The following FRAS1 variants were observed in gnomAD, a reference collection of about 807,000 sequenced individuals.
FRAS1 encodes Fraser extracellular matrix complex subunit 1, also known as extracellular matrix organizing protein FRAS1.
In FRAS1, 290 loss-of-function variants were observed where a neutral mutation model predicts 435.2. The ratio of observed to expected loss-of-function variants is 0.67; its 90% CI spans 0.61 to 0.73. The LOEUF is 0.73. Among genes scored for constraint, FRAS1 ranks in the 30% least tolerant of loss-of-function variants. The pLI, the probability that FRAS1 is intolerant of heterozygous loss-of-function variation, is 0.00. For synonymous variants in FRAS1, 1,800 were observed against 1,851.0 expected, an observed-to-expected ratio of 0.97 and a Z score of 0.71; for missense variants, 4,860 against 5,001.5, an observed-to-expected ratio of 0.97 and a Z score of 0.85.
Position 78,421,965 on chromosome 4 carries a change from C to T in FRAS1, c.4643C>T (p.Pro1548Leu), listed in dbSNP as rs766866898. 2.3e-5 allele frequency: 37 copies of T among 1,613,334 alleles called. No homozygotes were observed. The South Asian group carries it at 4.0e-4, about 17-fold the overall frequency. ...ATGTACCGCCCTCCCCCGGCAGCAC[C>T]CCACCTCCAGGAGCTCATGGCCTTC... Reference protein sequence around the residue: ...KVMYRPPPAAPHLQELMAFSF... With the variant: ...KVMYRPPPAALHLQELMAFSF... The change falls in exon 34 of 74, where the codon CCC becomes CTC. Residue 1548 changes from proline to leucine, a missense_variant. Pro to Leu is a moderately conservative substitution (Grantham distance 98). Transcript: ENST00000512123.
intron 2 of FRAS1, among the ~76,000 whole-genome samples, chr4:78,083,400 T>G (rs1301623243): frequency 6.6e-6 from 1 of 152,110 alleles, no homozygotes; most frequent in Non-Finnish European, 1.5e-5. Context: ...TTATCTGGTG[T>G]TGTGGAATTG....
chr4:78,274,228 T>G (rs4859522), intron 9 of FRAS1, among the ~76,000 whole-genome samples: 146,307 of 152,178 alleles, frequency 0.96, 70,575 homozygotes, highest in East Asian at 1. Flanking sequence ...AGTCTTGCTA[T>G]CAGTCTATCA....
chr4:78,067,629 A>T (rs1345332229), intron 2 of FRAS1, among the ~76,000 whole-genome samples: 2 of 149,930 alleles, frequency 1.3e-5, no homozygotes, highest in African/African-American at 4.9e-5. Context: ...TTTGCTTACC[A>T]AGGCTCTGCT....
At chr4:78,477,383 T>C (rs1042145771) in intron 54 of FRAS1, among the ~76,000 whole-genome samples, 11 of 152,326 alleles carry the variant, frequency 7.2e-5, no homozygotes, top group Non-Finnish European at 1.5e-4. Flanking sequence ...CTGATGTTTG[T>C]AAAGCTTCAT....
At chr4:78,240,449 G>A (rs1235963798) in intron 3 of FRAS1, among the ~76,000 whole-genome samples, 1 of 152,088 alleles carries the variant, frequency 6.6e-6, no homozygotes, top group East Asian at 1.9e-4. Flanking sequence ...AAGGAGAAAC[G>A]ACTGCCATAT....
chr4:78,448,375 C>T (rs1023918063), intron 44 of FRAS1, 59 bp downstream of exon 44: 6 of 1,450,732 alleles, frequency 4.1e-6, no homozygotes, highest in South Asian at 1.4e-5. Context: ...CTTCTTTGTC[C>T]AGTATGCAGT....
At chr4:78,171,377 C>T (rs1181166679) in intron 2 of FRAS1, among the ~76,000 whole-genome samples, 1 of 152,140 alleles carries the variant, frequency 6.6e-6, no homozygotes, top group Non-Finnish European at 1.5e-5. Context: ...TCTCTACTGC[C>T]TCTTTATGTG....
At chr4:78,363,807 C>A in intron 21 of FRAS1, 101 bp from the exon 22 acceptor site, 1 of 1,450,504 alleles carries the variant, frequency 6.9e-7, no homozygotes, top group South Asian at 1.4e-5. Flanking sequence ...CCAGACTTGC[C>A]AATGTTCTCA....
intron 2 of FRAS1, among the ~76,000 whole-genome samples, chr4:78,116,878 G>A (rs1743226761): frequency 6.6e-6 from 1 of 152,188 alleles, no homozygotes; most frequent in Admixed American, 6.5e-5. Flanking sequence ...TCATTATGAT[G>A]TTAGCTGGTT....
At chr4:78,360,924 T>C (rs145434462) in intron 20 of FRAS1, among the ~76,000 whole-genome samples, 1 of 152,348 alleles carries the variant, frequency 6.6e-6, no homozygotes, top group African/African-American at 2.4e-5. Context: ...GTTTCTCTAA[T>C]TGCATGCTAG....
At position 78,541,125 on chromosome 4, in the gene FRAS1, T is replaced by C; in HGVS notation, c.*1T>C. On this transcript the variant is annotated 3_prime_UTR_variant, in exon 74 of 74. Coordinates refer to ENST00000512123, the MANE Select transcript of FRAS1 (RefSeq NM_025074.7). ...TTTACAAGATGGAACAGAAGTTTAATGGAGGAGACCTATGTGTATTTTTTT... is the reference window on the plus strand; with the variant it reads ...TTTACAAGATGGAACAGAAGTTTAACGGAGGAGACCTATGTGTATTTTTTT... 1 of 1,365,010 alleles carries C rather than the reference T, an allele frequency of 7.3e-7. No individual in the cohort carries two copies. Among genetic ancestry groups the C allele is most frequent in the Non-Finnish European group, 9.6e-7 (1 of 1,045,910 alleles). 84.6% of individuals were successfully genotyped at this position (1,365,010 alleles called of 1,614,324 possible).
chr4:78,190,383 C>G (rs1268343335), intron 2 of FRAS1, among the ~76,000 whole-genome samples: 1 of 152,134 alleles, frequency 6.6e-6, no homozygotes, highest in African/African-American at 2.4e-5. Context: ...GAGAGGCCTT[C>G]CCTGTCTATG....
In FRAS1 at chr4:78,515,834, A is replaced by G; in HGVS notation, c.10210A>G (p.Thr3404Ala). The change falls in exon 66 of 74, where the codon ACT (threonine) becomes GCT (alanine). Residue 3404 changes from threonine (T) to alanine (A), a missense_variant. Physicochemically the swap from Thr to Ala is moderately conservative, Grantham distance 58. Transcript: ENST00000512123. ...CCTGGATGATGTGGTCTATGATAGCACTGCCCTGGGGCCTGGCTACGATCG... is the reference window on the plus strand; with the variant it reads ...CCTGGATGATGTGGTCTATGATAGCGCTGCCCTGGGGCCTGGCTACGATCG... ...GFLDDVVYDS[T>A]ALGPGYDRPF... 1 of 1,614,008 alleles carries G rather than the reference A, an allele frequency of 6.2e-7. No homozygotes were observed. Among genetic ancestry groups the G allele is most frequent in the South Asian group, 1.1e-5 (1 of 91,082 alleles).
intron 14 of FRAS1, among the ~76,000 whole-genome samples, chr4:78,303,217 A>G (rs532867187): frequency 1.3e-5 from 2 of 152,084 alleles, no homozygotes; most frequent in East Asian, 3.9e-4. Context: ...ATTGATCTAT[A>G]TCTCTGTTTT....
intron 2 of FRAS1, among the ~76,000 whole-genome samples, chr4:78,210,399 C>T (rs1723452734): frequency 6.6e-6 from 1 of 152,170 alleles, no homozygotes; most frequent in South Asian, 2.1e-4. Flanking sequence ...TTCATTCTCC[C>T]AACAGACTCT....
intron 2 of FRAS1, among the ~76,000 whole-genome samples, chr4:78,220,529 G>A (rs1031580839): frequency 2.6e-5 from 4 of 152,216 alleles, no homozygotes; most frequent in Admixed American, 6.5e-5. Context: ...AAAAAAATAT[G>A]TTGTCTACTA....
intron 2 of FRAS1, among the ~76,000 whole-genome samples, chr4:78,140,072 C>G (rs1317542562): frequency 6.6e-6 from 1 of 151,882 alleles, no homozygotes; most frequent in African/African-American, 2.4e-5. Flanking sequence ...GTAATGAACC[C>G]CCATGAATTA....
intron 15 of FRAS1, among the ~76,000 whole-genome samples, chr4:78,313,535 G>A (rs1729119101): frequency 6.6e-6 from 1 of 152,034 alleles, no homozygotes; most frequent in African/African-American, 2.4e-5. Flanking sequence ...AAAGACATTA[G>A]CCAACCAGCA....
intron 2 of FRAS1, among the ~76,000 whole-genome samples, chr4:78,127,725 G>GT (rs907303775): frequency 6.6e-6 from 1 of 151,632 alleles, no homozygotes; most frequent in Non-Finnish European, 1.5e-5. Flanking sequence ...GATGAAGTAA[G>GT]TTTTTTTTAT....
Sources: gnomAD v4.1 joint callset for allele counts (sites outside exome capture counted in the v4.1 genomes callset) on GRCh38, gnomAD v4.1.1 for gene constraint, MANE v1.5 for transcripts, NCBI Gene and HGNC (gene_info 2026-07-23, HGNC 2026-07-21) for gene names.